Variants in PTPRZ1 observed in about 807,000 individuals in gnomAD.
The protein encoded by PTPRZ1 is receptor-type tyrosine-protein phosphatase zeta.
In PTPRZ1, 82 loss-of-function variants were observed where a neutral mutation model predicts 214.1. That is an observed-to-expected ratio of 0.38 (90% confidence interval 0.32 to 0.46). The LOEUF (loss-of-function observed/expected upper bound fraction) is 0.46, where lower values mean the gene tolerates loss of function less well. Among genes scored for constraint, PTPRZ1 ranks in the 20% least tolerant of loss-of-function variants. The pLI, the probability that PTPRZ1 is intolerant of heterozygous loss-of-function variation, is 1.00. For missense variants in PTPRZ1, 2,603 were observed against 2,748.7 expected, an observed-to-expected ratio of 0.95 and a Z score of 1.19; for synonymous variants, 945 against 987.9, an observed-to-expected ratio of 0.96 and a Z score of 0.81.
At chr7:122,058,264 A>G (rs905090834) in intron 27 of PTPRZ1, among the ~76,000 whole-genome samples, 1 of 151,980 alleles carries the variant, frequency 6.6e-6, no homozygotes, top group Non-Finnish European at 1.5e-5. Context: ...GGAGGCGAGA[A>G]GTTTAAGGGA....
intron 11 of PTPRZ1, among the ~76,000 whole-genome samples, chr7:122,009,929 A>G (rs890494733): frequency 6.6e-6 from 1 of 152,196 alleles, no homozygotes; most frequent in Non-Finnish European, 1.5e-5. Flanking sequence ...AAATAGTTTC[A>G]TCGCCAATTC....
intron 2 of PTPRZ1, among the ~76,000 whole-genome samples, chr7:121,931,959 G>A (rs968883050): frequency 7.9e-5 from 12 of 152,252 alleles, no homozygotes; most frequent in Admixed American, 7.9e-4. Context: ...CTCAAAAAGG[G>A]ATGTTCCAGA....
At chr7:122,024,454 T>C (rs1036938059) in intron 13 of PTPRZ1, among the ~76,000 whole-genome samples, 4 of 152,128 alleles carry the variant, frequency 2.6e-5, no homozygotes, top group Non-Finnish European at 4.4e-5. Flanking sequence ...TCATTGAAGA[T>C]GTCTACTAAC....
rs571155248 is a variant in PTPRZ1 at position 122,011,422 on chromosome 7, G to C, written c.2376G>C (p.Ser792=). ...CCCCTGCTGCTTCAAGTAGTGATTC[G>C]GCCTTGCATGCTACGCCTGTATTTC... ...NTTPAASSSD[S]ALHATPVFPS... Residue 792 remains serine, a synonymous_variant, in exon 12 of 30, where the codon TCG becomes TCC. Coordinates refer to ENST00000393386, the MANE Select transcript of PTPRZ1 (RefSeq NM_002851.3). The C allele has an allele frequency of 5.0e-6, 8 of 1,613,966 alleles. No homozygotes were observed. Among genetic ancestry groups the C allele is most frequent in the Non-Finnish European group, 6.8e-6 (8 of 1,179,964 alleles).
At chr7:121,900,215 C>T (rs917331384) in intron 1 of PTPRZ1, among the ~76,000 whole-genome samples, 1 of 152,124 alleles carries the variant, frequency 6.6e-6, no homozygotes, top group Admixed American at 6.6e-5. Flanking sequence ...AAACTAGATG[C>T]TGAAGACACA....
chr7:121,975,144 G>A (rs548232310), intron 4 of PTPRZ1, among the ~76,000 whole-genome samples: 1 of 152,270 alleles, frequency 6.6e-6, no homozygotes, highest in Admixed American at 6.5e-5. Flanking sequence ...CCATGATCAT[G>A]CCACTGCATT....
intron 8 of PTPRZ1, among the ~76,000 whole-genome samples, chr7:121,985,746 G>A (rs538430226): frequency 1.3e-5 from 2 of 152,178 alleles, no homozygotes; most frequent in Admixed American, 1.3e-4. Context: ...CACTCAAGGA[G>A]ACACCATACC....
chr7:121,943,495 C>G (rs989963512), intron 2 of PTPRZ1, among the ~76,000 whole-genome samples: 2 of 151,828 alleles, frequency 1.3e-5, no homozygotes, highest in Non-Finnish European at 2.9e-5. Context: ...GCCACCATGC[C>G]CGGCTAATTT....
intron 1 of PTPRZ1, among the ~76,000 whole-genome samples, chr7:121,917,804 A>G (rs1484035606): frequency 6.6e-6 from 1 of 152,146 alleles, no homozygotes; most frequent in African/African-American, 2.4e-5. Context: ...AATAAAGTGA[A>G]AAGAGGCATA....
chr7:121,907,948 A>G (rs916109599), intron 1 of PTPRZ1, among the ~76,000 whole-genome samples: 1 of 152,100 alleles, frequency 6.6e-6, no homozygotes, highest in African/African-American at 2.4e-5. Flanking sequence ...ACTTGCAAAT[A>G]TAGCTATCCA....
intron 2 of PTPRZ1, among the ~76,000 whole-genome samples, chr7:121,962,400 A>G (rs1435558704): frequency 6.6e-6 from 1 of 151,656 alleles, no homozygotes; most frequent in African/African-American, 2.4e-5. Flanking sequence ...GTGAGCAGAG[A>G]TTGCACCACT....
At chr7:121,923,147 A>T (rs1462597709) in intron 1 of PTPRZ1, among the ~76,000 whole-genome samples, 1 of 152,098 alleles carries the variant, frequency 6.6e-6, no homozygotes, top group Non-Finnish European at 1.5e-5. Context: ...CTTGATCCTC[A>T]TGCCTTTTCT....
chr7:121,985,147 A>T (rs1225183101), intron 8 of PTPRZ1, among the ~76,000 whole-genome samples: 3 of 152,212 alleles, frequency 2.0e-5, no homozygotes, highest in Admixed American at 6.5e-5. Flanking sequence ...AACAGTGATG[A>T]ATAGCTATAT....
Position 122,011,903 on chromosome 7 carries a change from T to C in PTPRZ1, c.2857T>C (p.Ser953Pro). The C allele has an allele frequency of 6.2e-7, 1 of 1,614,216 alleles. No individual in the cohort carries two copies. The highest frequency in any genetic ancestry group is 8.5e-7 in the Non-Finnish European group (1 of 1,180,022). ...CAGTTCTGCAATACCTGTGCATGAT[T>C]CTGTGGGTGTAACTTATCAGGGTTC... ...SYSSAIPVHD[S>P]VGVTYQGSLF... is the part of the protein sequence containing the mutation. Residue 953 changes from serine to proline, a missense_variant, in exon 12 of 30, where the codon TCT becomes CCT. By Grantham distance (74) the Ser-to-Pro change is moderately conservative. Coordinates refer to ENST00000393386, the MANE Select transcript of PTPRZ1 (RefSeq NM_002851.3).
At chr7:122,050,444 A>AGGGGAAGGAAGGGGAGGG (rs1792138228) in intron 23 of PTPRZ1, among the ~76,000 whole-genome samples, 1 of 35,728 alleles carries the variant, frequency 2.8e-5, no homozygotes, top group Non-Finnish European at 5.2e-5. Context: ...GAAGGGGAGG[A>AGGGGAAGGAAGGGGAGGG]GAGGGGAGGG....
At chr7:121,887,804 C>T (rs1794445842) in intron 1 of PTPRZ1, among the ~76,000 whole-genome samples, 1 of 152,058 alleles carries the variant, frequency 6.6e-6, no homozygotes, top group South Asian at 2.1e-4. Flanking sequence ...CCTGTGTTTC[C>T]TGTCAAGCCG....
rs1797096163 is a variant in PTPRZ1, at chr7:121,968,009, A to G, written c.183A>G (p.Gln61=). ...ATCCAACATGTAATAGCCCAAAACA[A>G]TCTCCTATCAATATTGATGAAGATC... ...KKYPTCNSPK[Q]SPINIDEDLT... is the part of the protein sequence containing the mutation. Residue 61 remains glutamine (Q), a synonymous_variant, in exon 3 of 30, where the codon CAA becomes CAG. Coordinates refer to ENST00000393386, the MANE Select transcript of PTPRZ1 (RefSeq NM_002851.3). The G allele has an allele frequency of 6.3e-7, 1 of 1,596,802 alleles. No homozygotes were observed. Among genetic ancestry groups the G allele is most frequent in the South Asian group, 1.1e-5 (1 of 89,710 alleles).
chr7:122,038,233 T>C (rs568982029), intron 18 of PTPRZ1, among the ~76,000 whole-genome samples: 74 of 152,316 alleles, frequency 4.9e-4, no homozygotes, highest in Admixed American at 1.0e-3. Flanking sequence ...CCAATCCATA[T>C]TATGCCCATA....
intron 1 of PTPRZ1, among the ~76,000 whole-genome samples, chr7:121,880,598 A>G (rs1794209311): frequency 6.6e-6 from 1 of 152,200 alleles, no homozygotes; most frequent in African/African-American, 2.4e-5. Flanking sequence ...TTGAGTAGGA[A>G]TAAAATAAAA....
Sources: allele counts gnomAD v4.1 joint callset (sites outside exome capture counted in the v4.1 genomes callset), GRCh38; gene constraint gnomAD v4.1.1; transcripts MANE v1.5; gene names NCBI Gene and HGNC (gene_info 2026-07-23, HGNC 2026-07-21).